The following SPOCK3 variants were observed in gnomAD, a reference collection of about 807,000 sequenced individuals.
SPOCK3 encodes the protein SPARC (osteonectin), cwcv and kazal like domains proteoglycan 3.
Under a neutral mutation model 56.6 loss-of-function variants are expected in SPOCK3, and 30 were observed. That is an observed-to-expected ratio of 0.53 (90% CI 0.40 to 0.72). The LOEUF (loss-of-function observed/expected upper bound fraction) is 0.72, where lower values mean the gene tolerates loss of function less well. Ranked by LOEUF, SPOCK3 falls within the 30% of genes least tolerant of loss-of-function variation. SPOCK3 has a pLI of 0.00. For synonymous variants in SPOCK3, 196 were observed against 183.3 expected, an observed-to-expected ratio of 1.07 and a Z score of -0.56; for missense variants, 527 against 530.0, an observed-to-expected ratio of 0.99 and a Z score of 0.06.
At chr4:166,995,807 C>T (rs1748305824) in intron 4 of SPOCK3, among the ~76,000 whole-genome samples, 1 of 152,062 alleles carries the variant, frequency 6.6e-6, no homozygotes, top group African/African-American at 2.4e-5. Context: ...ATTATTAATA[C>T]AGTCATATTC....
intron 6 of SPOCK3, among the ~76,000 whole-genome samples, chr4:166,843,381 A>T (rs1040499604): frequency 1.3e-5 from 2 of 152,254 alleles, no homozygotes; most frequent in African/African-American, 4.8e-5. Context: ...AGGTGAAGGG[A>T]TCTTGCAGAT....
chr4:166,952,580 C>A (rs760035631), intron 4 of SPOCK3, among the ~76,000 whole-genome samples: 1 of 150,790 alleles, frequency 6.6e-6, no homozygotes, highest in Non-Finnish European at 1.5e-5. Context: ...TTGGAAAAAA[C>A]TACTTTAAAG....
At chr4:166,945,022 G>T (rs1001026091) in intron 4 of SPOCK3, among the ~76,000 whole-genome samples, 1 of 152,070 alleles carries the variant, frequency 6.6e-6, no homozygotes, top group Non-Finnish European at 1.5e-5. Flanking sequence ...GACCCTTCAC[G>T]CTGACTTCTG....
intron 3 of SPOCK3, among the ~76,000 whole-genome samples, chr4:167,004,753 A>G (rs1432451675): frequency 1.3e-5 from 2 of 152,180 alleles, no homozygotes; most frequent in African/African-American, 4.8e-5. Flanking sequence ...GGTCGAAATA[A>G]AAGAAATGGT....
At chr4:167,128,168 C>A (rs559501065) in intron 2 of SPOCK3, among the ~76,000 whole-genome samples, 1 of 152,282 alleles carries the variant, frequency 6.6e-6, no homozygotes, top group African/African-American at 2.4e-5. Context: ...TAGACCTTCT[C>A]ACTTTTTCCC....
At chr4:166,925,955 T>C (rs1002509363) in intron 4 of SPOCK3, among the ~76,000 whole-genome samples, 4 of 152,194 alleles carry the variant, frequency 2.6e-5, no homozygotes, top group African/African-American at 9.7e-5. Context: ...TATGCAAATA[T>C]ATCTATGTCC....
At chr4:166,835,552 C>T (rs1746520660) in intron 6 of SPOCK3, among the ~76,000 whole-genome samples, 1 of 152,090 alleles carries the variant, frequency 6.6e-6, no homozygotes, top group African/African-American at 2.4e-5. Context: ...CCTCTTCTGT[C>T]AAACTATTTC....
chr4:166,817,455 G>A (rs1016341), intron 6 of SPOCK3, among the ~76,000 whole-genome samples: 11 of 152,008 alleles, frequency 7.2e-5, no homozygotes, highest in Non-Finnish European at 4.4e-5. Context: ...GGGCTTAAAT[G>A]TGAGGGACCC....
chr4:166,827,520 T>C (rs1426199806), intron 6 of SPOCK3, among the ~76,000 whole-genome samples: 1 of 152,116 alleles, frequency 6.6e-6, no homozygotes, highest in East Asian at 1.9e-4. Context: ...GCAAGTTTTA[T>C]TTTGTTTACA....
intron 3 of SPOCK3, among the ~76,000 whole-genome samples, chr4:167,047,623 C>A (rs1753845412): frequency 6.6e-6 from 1 of 152,198 alleles, no homozygotes; most frequent in Admixed American, 6.5e-5. Flanking sequence ...AATTTAGATT[C>A]TAACTTTGGC....
chr4:166,819,966 C>T (rs1468850876), intron 6 of SPOCK3, among the ~76,000 whole-genome samples: 2 of 151,976 alleles, frequency 1.3e-5, no homozygotes, highest in Non-Finnish European at 2.9e-5. Flanking sequence ...AAGTGACCTT[C>T]CTGCCTCACC....
At position 166,912,726 on chromosome 4, in the gene SPOCK3, ACTC is replaced by A. The variant is rs1451267229; in HGVS notation, c.365_367del (p.Gly122del). 3 of 1,601,718 alleles carry A rather than the reference ACTC, an allele frequency of 1.9e-6. No individual in the cohort carries two copies. The highest frequency in any genetic ancestry group is 2.7e-5 in the African/African-American group (2 of 74,128). ...GGGACCCCTCCACTGCCTATGGTCT[ACTC>A]CTGCTTCTTTCATCCTGTTAAAAAA... is the stretch of plus-strand genomic sequence containing the variant. On this transcript the variant is annotated inframe_deletion, in exon 5 of 11. Coordinates refer to ENST00000357545, the MANE Select transcript of SPOCK3 (RefSeq NM_001040159.2).
chr4:167,088,348 G>C (rs539630343), intron 2 of SPOCK3, among the ~76,000 whole-genome samples: 1 of 152,060 alleles, frequency 6.6e-6, no homozygotes, highest in Non-Finnish European at 1.5e-5. Flanking sequence ...CACTGCATTA[G>C]GGTTTTAATC....
chr4:166,864,807 A>G (rs912099752), intron 6 of SPOCK3, among the ~76,000 whole-genome samples: 1 of 152,162 alleles, frequency 6.6e-6, no homozygotes, highest in Non-Finnish European at 1.5e-5. Context: ...ACCAACAAAA[A>G]AAAAGCTCAG....
chr4:167,017,037 G>A (rs974012433), intron 3 of SPOCK3, among the ~76,000 whole-genome samples: 10 of 152,092 alleles, frequency 6.6e-5, no homozygotes, highest in Non-Finnish European at 1.3e-4. Context: ...AAGAATATAA[G>A]AGCCTTCCCA....
intron 2 of SPOCK3, among the ~76,000 whole-genome samples, chr4:167,199,736 T>C (rs895347281): frequency 3.3e-4 from 46 of 139,862 alleles, no homozygotes; most frequent in African/African-American, 6.9e-4. Context: ...ATAATAATAA[T>C]AACTTTAAGT....
chr4:166,862,475 T>C (rs1349897898), intron 6 of SPOCK3, among the ~76,000 whole-genome samples: 3 of 152,076 alleles, frequency 2.0e-5, no homozygotes, highest in Admixed American at 6.6e-5. Flanking sequence ...CCAATTTTGG[T>C]TAAGAGTTAG....
At chr4:167,217,084 G>A (rs77731211) in intron 2 of SPOCK3, among the ~76,000 whole-genome samples, 3 of 151,646 alleles carry the variant, frequency 2.0e-5, no homozygotes, top group Admixed American at 6.6e-5. Context: ...TGTTAAACAC[G>A]GTGAAAAAAA....
intron 7 of SPOCK3, among the ~76,000 whole-genome samples, chr4:166,765,028 G>A (rs9684172): frequency 0.33 from 50,112 of 151,760 alleles, 8,429 homozygotes; most frequent in Admixed American, 0.42. Context: ...CCCACTTTTC[G>A]ATGGGTTCTT....
Sources: gnomAD v4.1 joint callset for allele counts (sites outside exome capture counted in the v4.1 genomes callset) on GRCh38, gnomAD v4.1.1 for gene constraint, MANE v1.5 for transcripts, NCBI Gene and HGNC (gene_info 2026-07-23, HGNC 2026-07-21) for gene names.